ZNF385D: variants seen among roughly 807,000 people sequenced by gnomAD.
ZNF385D encodes the protein zinc finger protein 385D, also known as zinc finger protein 659.
A neutral mutation model predicts 35.8 loss-of-function variants in ZNF385D; 15 were observed. The observed-to-expected ratio is 0.42, with a 90% CI of 0.28 to 0.64. The LOEUF is 0.64. Among genes scored for constraint, ZNF385D ranks in the 30% least tolerant of loss-of-function variants. The pLI, the probability that ZNF385D is intolerant of heterozygous loss-of-function variation, is 0.23. For missense variants in ZNF385D, 474 were observed against 494.6 expected (o/e 0.96, Z 0.39); for synonymous variants, 212 against 186.8 (o/e 1.13, Z -1.10).
chr3:22,247,990 T>A (rs1211950863), intron 2 of ZNF385D, among the ~76,000 whole-genome samples: 1 of 152,140 alleles, frequency 6.6e-6, no homozygotes, highest in Non-Finnish European at 1.5e-5. Flanking sequence ...CTGTGAACTT[T>A]ATATAAATAA....
chr3:21,635,561 TTTGTTG>T (rs139247316), intron 2 of ZNF385D, among the ~76,000 whole-genome samples: 3 of 151,144 alleles, frequency 2.0e-5, no homozygotes, highest in South Asian at 2.1e-4. Flanking sequence ...GTTTGTTTGT[TTTGTTG>T]TTGTTGTTGT....
In ZNF385D at chr3:22,194,999, G is replaced by T. The variant is rs182840910; in HGVS notation, c.107-25964C>A. ...TATTTATCTAGAATAAATACCAAGG[G>T]CAATATTTTGGTCATTATATGCTTA... On this transcript the variant is annotated intron_variant, in intron 2 of 5. Transcript: ENST00000494108. 8.8e-4 allele frequency among the ~76,000 whole-genome samples: 134 copies of T among 151,678 alleles called. 1 individual carries two copies. Among genetic ancestry groups the T allele is most frequent in the African/African-American group, 3.0e-3 (123 of 41,448 alleles).
At chr3:21,733,190 G>T (rs1414375100) in intron 1 of ZNF385D, among the ~76,000 whole-genome samples, 1 of 151,618 alleles carries the variant, frequency 6.6e-6, no homozygotes, top group Non-Finnish European at 1.5e-5. Flanking sequence ...AAGACCAGTT[G>T]CTTATCTTTA....
intron 3 of ZNF385D, among the ~76,000 whole-genome samples, chr3:22,092,196 G>A (rs879645439): frequency 6.6e-6 from 1 of 152,104 alleles, no homozygotes; most frequent in African/African-American, 2.4e-5. Flanking sequence ...CTGACAGTGG[G>A]GCTGGAACCT....
intron 1 of ZNF385D, among the ~76,000 whole-genome samples, chr3:21,731,340 A>G (rs2125487760): frequency 6.6e-6 from 1 of 152,228 alleles, no homozygotes; most frequent in South Asian, 2.1e-4. Flanking sequence ...TTTTTTTAAT[A>G]GACTATTTTT....
intron 3 of ZNF385D, among the ~76,000 whole-genome samples, chr3:21,854,739 T>C (rs949198597): frequency 2.6e-5 from 4 of 151,950 alleles, no homozygotes; most frequent in African/African-American, 9.7e-5. Flanking sequence ...GGGTCTGTCA[T>C]AACTTTTGGC....
At chr3:22,312,436 A>C (rs1225838635) in intron 2 of ZNF385D, among the ~76,000 whole-genome samples, 3 of 152,178 alleles carry the variant, frequency 2.0e-5, no homozygotes, top group Non-Finnish European at 4.4e-5. Flanking sequence ...TCTGCACAGC[A>C]AAAGAAACTA....
intron 2 of ZNF385D, among the ~76,000 whole-genome samples, chr3:22,174,230 AGT>A (rs1359983439): frequency 1.3e-5 from 2 of 152,202 alleles, no homozygotes; most frequent in Non-Finnish European, 2.9e-5. Flanking sequence ...CCCTGCAAAT[AGT>A]GTGTTTTATC....
intron 2 of ZNF385D, among the ~76,000 whole-genome samples, chr3:22,228,717 A>G (rs965294611): frequency 2.0e-5 from 3 of 152,144 alleles, no homozygotes; most frequent in African/African-American, 7.2e-5. Flanking sequence ...GTGGACTGGG[A>G]GTGGCAGACC....
At chr3:21,608,949 ATGT>A (rs2064581912) in intron 2 of ZNF385D, among the ~76,000 whole-genome samples, 1 of 152,242 alleles carries the variant, frequency 6.6e-6, no homozygotes, top group Non-Finnish European at 1.5e-5. Flanking sequence ...AATTTTAAAC[ATGT>A]TGTCAATAAT....
At position 22,367,764 on chromosome 3, in the gene ZNF385D, T is replaced by C. The variant is rs1696721477; in HGVS notation, c.106+4686A>G. ...AAGAAGTCTCTAATAATCTCTTCTA[T>C]TATACAAATTGCGGAGAATAACTCT... On this transcript the variant is annotated intron_variant, in intron 2 of 5. Transcript: ENST00000494108. Among the ~76,000 whole-genome samples, 2 of 152,170 alleles carry C rather than the reference T, an allele frequency of 1.3e-5. 1 individual carries two copies. Among genetic ancestry groups the C allele is most frequent in the South Asian group, 4.1e-4 (2 of 4,836 alleles).
chr3:22,286,646 A>T (rs1419249214), intron 2 of ZNF385D, among the ~76,000 whole-genome samples: 1 of 151,992 alleles, frequency 6.6e-6, no homozygotes, highest in Non-Finnish European at 1.5e-5. Flanking sequence ...TTCTTATTTG[A>T]CTCAATAGTT....
chr3:21,999,124 A>G (rs566067267), intron 3 of ZNF385D, among the ~76,000 whole-genome samples: 2 of 152,314 alleles, frequency 1.3e-5, no homozygotes, highest in East Asian at 3.9e-4. Flanking sequence ...AGCTATGCAC[A>G]TCAGTCAGGT....
rs1700723899 is a variant in ZNF385D, at chr3:21,421,286, AGGAAGCGCG to A, written c.1107_1115del (p.Ala370_Pro372del). The A allele has an allele frequency of 5.6e-6, 9 of 1,613,990 alleles. No homozygotes were observed. Among genetic ancestry groups the A allele is most frequent in the Middle Eastern group, 1.6e-4 (1 of 6,082 alleles). Reference sequence around the variant, plus strand: ...CAGGAGCTGGCCGCAGGAGTGCCGGAGGAAGCGCGGAAGTCTGGAACAGTGTTGCTGCTG... The same window carrying A: ...CAGGAGCTGGCCGCAGGAGTGCCGGAGAAGTCTGGAACAGTGTTGCTGCTG... On this transcript the variant is annotated inframe_deletion, in exon 8 of 8. Transcript: ENST00000281523.
chr3:21,916,165 A>G (rs1038077083), intron 3 of ZNF385D, among the ~76,000 whole-genome samples: 1 of 152,188 alleles, frequency 6.6e-6, no homozygotes, highest in Non-Finnish European at 1.5e-5. Flanking sequence ...TCTATAGGTC[A>G]TATTTTGTTA....
chr3:21,567,669 T>C (rs1253306386), intron 2 of ZNF385D, among the ~76,000 whole-genome samples: 1 of 152,174 alleles, frequency 6.6e-6, no homozygotes, highest in Non-Finnish European at 1.5e-5. Flanking sequence ...TGTGTTTCTA[T>C]CGGGATAAGG....
intron 3 of ZNF385D, among the ~76,000 whole-genome samples, chr3:21,829,507 T>C (rs1694854500): frequency 6.6e-6 from 1 of 152,096 alleles, no homozygotes; most frequent in African/African-American, 2.4e-5. Context: ...GTGCAGGTCA[T>C]GATAAAAAGC....
chr3:21,609,914 C>T (rs375747841), intron 2 of ZNF385D, among the ~76,000 whole-genome samples: 163 of 152,214 alleles, frequency 1.1e-3, no homozygotes, highest in African/African-American at 3.4e-3. Flanking sequence ...ATTTAAATTC[C>T]TCCTTCTATA....
chr3:21,698,282 A>T (rs1040671345), intron 1 of ZNF385D, among the ~76,000 whole-genome samples: 1 of 152,162 alleles, frequency 6.6e-6, no homozygotes, highest in African/African-American at 2.4e-5. Flanking sequence ...AAATAACAAA[A>T]TCATATCTTT....
Sources: gnomAD v4.1 joint callset for allele counts (sites outside exome capture counted in the v4.1 genomes callset) on GRCh38, gnomAD v4.1.1 for gene constraint, MANE v1.5 for transcripts, NCBI Gene and HGNC (gene_info 2026-07-23, HGNC 2026-07-21) for gene names.